TMEM52B: variants seen among roughly 807,000 people sequenced by gnomAD.
The protein encoded by TMEM52B is chromosome 12 open reading frame 59.
A neutral mutation model predicts 16.1 loss-of-function variants in TMEM52B; 11 were observed. The ratio of observed to expected loss-of-function variants is 0.68; its 90% confidence interval spans 0.43 to 1.13. The LOEUF (loss-of-function observed/expected upper bound fraction) is 1.13. TMEM52B is among the 50% of genes most tolerant of loss of function. The pLI, the probability that TMEM52B is intolerant of heterozygous loss-of-function variation, is 0.00. For synonymous variants in TMEM52B, 101 were observed against 93.8 expected, an observed-to-expected ratio of 1.08 and a Z score of -0.45; for missense variants, 243 against 230.4, an observed-to-expected ratio of 1.05 and a Z score of -0.35.
rs149948346 is a variant in TMEM52B, at chr12:10,186,543, C to G, written c.261C>G (p.Thr87=). 2.8e-5 allele frequency: 45 copies of G among 1,607,914 alleles called. No individual in the cohort carries two copies. The Middle Eastern group carries it at 2.2e-3, about 77-fold the overall frequency. Residue 87 remains threonine, a synonymous_variant, in exon 4 of 5, where the codon ACC becomes ACG. Coordinates refer to ENST00000543484, the MANE Select transcript of TMEM52B (RefSeq NM_001384896.1). ...GGGGCCCACCACCCTGTGAAGTGAC[C>G]GTCATTGCTTTCGATCACGACAGCA... ...EDGGPPPCEV[T]VIAFDHDSTL...
rs1948796690 is a variant in TMEM52B, at chr12:10,179,457, C to A, written c.-118C>A. 3.7e-6 allele frequency: 4 copies of A among 1,071,564 alleles called. No homozygotes were observed. In the African/African-American group the frequency reaches 4.7e-5, roughly 13 times the overall value. The allele number at this position is 1,071,564 out of a possible 1,614,324, so 66.4% of individuals were successfully genotyped here. A position where few individuals can be genotyped will look rare whatever the true frequency, so the allele number is the denominator to read the frequency against. On this transcript the variant is annotated 5_prime_UTR_variant, in exon 1 of 5. The change creates a new upstream start codon in the 5' untranslated region. Coordinates refer to ENST00000543484, the MANE Select transcript of TMEM52B (RefSeq NM_001384896.1). ...GAGAGAGAGAAAAGCTGATAAATTC[C>A]TGAGAAAAGTTTCTCTTCTTAAGAA...
chr12:10,177,451 T>A (rs1948774306), upstream of TMEM52B, among the ~76,000 whole-genome samples: 1 of 152,058 alleles, frequency 6.6e-6, no homozygotes, highest in Non-Finnish European at 1.5e-5. Context: ...CCCAAGAGTC[T>A]CCCTTCCACA....
intron 1 of TMEM52B, 167 bp from the exon 2 acceptor site, chr12:10,182,383 G>C (rs1381430613): frequency 2.0e-6 from 2 of 985,258 alleles, no homozygotes; most frequent in Non-Finnish European, 2.4e-6. Context: ...ACAAAAGCCA[G>C]CAAGTATGGG....
intron 4 of TMEM52B, among the ~76,000 whole-genome samples, chr12:10,189,176 C>G (rs1261704994): frequency 6.8e-6 from 1 of 147,392 alleles, no homozygotes; most frequent in Non-Finnish European, 1.5e-5. Context: ...GCACTCCAAC[C>G]TGGGTGACAG....
intron 1 of TMEM52B, among the ~76,000 whole-genome samples, chr12:10,181,897 C>T (rs1368186822): frequency 2.7e-5 from 4 of 150,680 alleles, no homozygotes; most frequent in East Asian, 2.0e-4. Flanking sequence ...CGTGGTGGCA[C>T]GTGCCTGTAG....
At chr12:10,184,264 G>C (rs1170415272) in intron 2 of TMEM52B, among the ~76,000 whole-genome samples, 2 of 152,148 alleles carry the variant, frequency 1.3e-5, no homozygotes, top group South Asian at 4.1e-4. Flanking sequence ...CGCATCCTCG[G>C]TAATATTCTT....
At chr12:10,180,707 A>G (rs1948812437) in intron 1 of TMEM52B, among the ~76,000 whole-genome samples, 1 of 152,152 alleles carries the variant, frequency 6.6e-6, no homozygotes. Context: ...TTTCTTTTCT[A>G]GGGCCTTTGT....
At chr12:10,176,966 T>G (rs1320185373), upstream of TMEM52B, among the ~76,000 whole-genome samples, 1 of 152,152 alleles carries the variant, frequency 6.6e-6, no homozygotes, top group Non-Finnish European at 1.5e-5. Context: ...CATGATGGGT[T>G]CCCTACGTAC....
chr12:10,171,183 T>C (rs1036928596), intron 1 of TMEM52B, among the ~76,000 whole-genome samples: 11 of 152,248 alleles, frequency 7.2e-5, no homozygotes, highest in African/African-American at 2.2e-4. Flanking sequence ...CTCACACTTA[T>C]GTTCTCTATT....
At chr12:10,172,836 T>C (rs1332122438) in intron 1 of TMEM52B, among the ~76,000 whole-genome samples, 1 of 152,170 alleles carries the variant, frequency 6.6e-6, no homozygotes, top group Non-Finnish European at 1.5e-5. Flanking sequence ...GTTATAGGAA[T>C]TCAAATGACA....
upstream of TMEM52B, among the ~76,000 whole-genome samples, chr12:10,177,991 G>T (rs1267072622): frequency 1.3e-5 from 2 of 150,532 alleles, no homozygotes; most frequent in East Asian, 4.1e-4. Flanking sequence ...TGCCTTCCGG[G>T]TTCAAGTGGC....
intron 1 of TMEM52B, chr12:10,171,960 A>C: frequency 6.9e-7 from 1 of 1,456,210 alleles, no homozygotes; most frequent in Non-Finnish European, 9.6e-7. Flanking sequence ...TGGGGCTAAC[A>C]CTGGGATTCT....
At position 10,182,578 on chromosome 12, in the gene TMEM52B, G is replaced by C. The variant is rs1348735098; in HGVS notation, c.83G>C (p.Cys28Ser). The C allele has an allele frequency of 6.5e-7, 1 of 1,535,404 alleles. No homozygotes were observed. The highest frequency in any genetic ancestry group is 8.7e-7 in the Non-Finnish European group (1 of 1,146,476). ...TCTGGGACGAGATGTGAGGAAAACT[G>C]TGGTAATCCTGAACAGTAAGTATAG... is the stretch of plus-strand genomic sequence containing the variant. Reference protein sequence around the residue: ...LLSGTRCEENCGNPEHCLTTD... With the variant: ...LLSGTRCEENSGNPEHCLTTD... Residue 28 changes from cysteine (C) to serine (S), a missense_variant, in exon 2 of 5, where the codon TGT becomes TCT. Physicochemically the swap from Cys to Ser is moderately radical, Grantham distance 112 (BLOSUM62 -1). Coordinates refer to ENST00000543484, the MANE Select transcript of TMEM52B (RefSeq NM_001384896.1).
At chr12:10,188,912 G>C in intron 4 of TMEM52B, among the ~76,000 whole-genome samples, 1 of 150,660 alleles carries the variant, frequency 6.6e-6, no homozygotes, top group African/African-American at 2.4e-5. Context: ...AGCTACTCAG[G>C]AGGCTGAGGC....
At chr12:10,186,696 G>T (rs1948884591) in intron 4 of TMEM52B, 107 bp downstream of exon 4, 2 of 1,182,324 alleles carry the variant, frequency 1.7e-6, no homozygotes, top group Non-Finnish European at 1.1e-6. Flanking sequence ...AAGATTCCAG[G>T]ACTCACAATA....
At chr12:10,180,907 G>C (rs899131862) in intron 1 of TMEM52B, among the ~76,000 whole-genome samples, 1 of 152,182 alleles carries the variant, frequency 6.6e-6, no homozygotes, top group Non-Finnish European at 1.5e-5. Context: ...CTGGGTTCAA[G>C]CGATTCTCTT....
At chr12:10,185,420 A>G (rs890927812) in intron 3 of TMEM52B, 52 bp downstream of exon 3, 2 of 1,376,218 alleles carry the variant, frequency 1.5e-6, no homozygotes, top group Non-Finnish European at 1.0e-6. Context: ...CAAGGCCATT[A>G]AAAATGACAA....
intron 4 of TMEM52B, among the ~76,000 whole-genome samples, chr12:10,188,877 C>A: frequency 6.6e-6 from 1 of 151,718 alleles, no homozygotes; most frequent in Non-Finnish European, 1.5e-5. Context: ...ATTAGCTCGG[C>A]GTGGTGGCGG....
At chr12:10,171,174 T>C (rs556792854) in intron 1 of TMEM52B, among the ~76,000 whole-genome samples, 1 of 152,378 alleles carries the variant, frequency 6.6e-6, no homozygotes, top group South Asian at 2.1e-4. Flanking sequence ...CACTCCATGC[T>C]CACACTTATG....
Sources: gnomAD v4.1 joint callset for allele counts (sites outside exome capture counted in the v4.1 genomes callset) on GRCh38, gnomAD v4.1.1 for gene constraint, MANE v1.5 for transcripts, NCBI Gene and HGNC (gene_info 2026-07-23, HGNC 2026-07-21) for gene names.